Variants in PLCB1 observed in about 807,000 individuals in gnomAD.
PLCB1 encodes 1-phosphatidylinositol 4,5-bisphosphate phosphodiesterase beta-1.
Under a neutral mutation model 161.8 loss-of-function variants are expected in PLCB1, and 46 were observed. That is an observed-to-expected ratio of 0.28 (90% CI 0.22 to 0.36). The LOEUF (loss-of-function observed/expected upper bound fraction) is 0.36. Among genes scored for constraint, PLCB1 ranks in the 10% least tolerant of loss-of-function variants. PLCB1 has a pLI of 1.00. For synonymous variants in PLCB1, 517 were observed against 503.7 expected, an observed-to-expected ratio of 1.03 and a Z score of -0.35; for missense variants, 1,016 against 1,472.5, an observed-to-expected ratio of 0.69 and a Z score of 5.07.
intron 2 of PLCB1, among the ~76,000 whole-genome samples, chr20:8,256,291 C>G (rs1432518280): frequency 3.3e-5 from 5 of 152,100 alleles, no homozygotes; most frequent in Admixed American, 1.3e-4. Flanking sequence ...GCTGGCCTAT[C>G]CTGGGTGGTT....
chr20:8,701,559 A>G (rs1464044824), intron 11 of PLCB1, among the ~76,000 whole-genome samples: 1 of 152,176 alleles, frequency 6.6e-6, no homozygotes, highest in African/African-American at 2.4e-5. Context: ...TAAGGCACTT[A>G]TCATATCACC....
chr20:8,724,712 T>C lies in PLCB1; in HGVS notation c.1638T>C (p.Tyr546=). The C allele has an allele frequency of 6.2e-7, 1 of 1,611,778 alleles. No individual in the cohort carries two copies. The highest frequency in any genetic ancestry group is 8.5e-7 in the Non-Finnish European group (1 of 1,178,196). Residue 546 remains tyrosine (Y), a synonymous_variant, in exon 16 of 32, where the codon TAT becomes TAC. Coordinates refer to ENST00000338037, the MANE Select transcript of PLCB1 (RefSeq NM_015192.4). ...AAGAAATGTCTAATCTGGTGAACTATATTCAGCCAGTCAAGTTTGAGTCAT... is the reference window on the plus strand; with the variant it reads ...AAGAAATGTCTAATCTGGTGAACTACATTCAGCCAGTCAAGTTTGAGTCAT... The part of the protein sequence containing the change: ...ATEEMSNLVN[Y]IQPVKFESFE...
intron 3 of PLCB1, among the ~76,000 whole-genome samples, chr20:8,522,204 C>A (rs1235724977): frequency 6.6e-6 from 1 of 152,200 alleles, no homozygotes; most frequent in Non-Finnish European, 1.5e-5. Context: ...AATGTAGGAT[C>A]TGGAGCTCCC....
At chr20:8,567,781 G>C (rs933897423) in intron 3 of PLCB1, among the ~76,000 whole-genome samples, 7 of 152,074 alleles carry the variant, frequency 4.6e-5, no homozygotes, top group African/African-American at 1.7e-4. Flanking sequence ...TTAGTAGGTG[G>C]TATGTTCCTT....
At chr20:8,252,817 T>TC (rs1229203997) in intron 2 of PLCB1, among the ~76,000 whole-genome samples, 2 of 152,058 alleles carry the variant, frequency 1.3e-5, no homozygotes, top group East Asian at 3.9e-4. Context: ...TGCCATGACT[T>TC]CCTGTCATGG....
chr20:8,136,044 G>A (rs775533979), intron 1 of PLCB1, among the ~76,000 whole-genome samples: 24 of 152,134 alleles, frequency 1.6e-4, no homozygotes, highest in Non-Finnish European at 3.4e-4. Flanking sequence ...CACTGATTTG[G>A]CCCTGTTTTC....
intron 3 of PLCB1, among the ~76,000 whole-genome samples, chr20:8,553,729 G>A (rs1985850573): frequency 1.3e-5 from 2 of 152,090 alleles, no homozygotes; most frequent in East Asian, 1.9e-4. Flanking sequence ...AGCTTGTCAC[G>A]CTGGCACATT....
chr20:8,194,910 T>G (rs1339813183), intron 2 of PLCB1, among the ~76,000 whole-genome samples: 3 of 152,032 alleles, frequency 2.0e-5, no homozygotes, highest in Admixed American at 1.3e-4. Flanking sequence ...AAACCAACTT[T>G]GCTCACTGAA....
intron 3 of PLCB1, among the ~76,000 whole-genome samples, chr20:8,612,188 A>G (rs1403401155): frequency 6.6e-6 from 1 of 152,144 alleles, no homozygotes; most frequent in African/African-American, 2.4e-5. Flanking sequence ...TGGTATAGAA[A>G]ATGGCAATAA....
chr20:8,622,009 G>A (rs1894876077), intron 3 of PLCB1, among the ~76,000 whole-genome samples: 1 of 152,180 alleles, frequency 6.6e-6, no homozygotes, highest in South Asian at 2.1e-4. Flanking sequence ...AACAGAGTCA[G>A]CACTTTGGGA....
intron 31 of PLCB1, among the ~76,000 whole-genome samples, chr20:8,833,181 G>A (rs1420231451): frequency 1.3e-5 from 2 of 152,174 alleles, no homozygotes; most frequent in African/African-American, 2.4e-5. Flanking sequence ...CCAGAGACTG[G>A]GTAATTTATA....
chr20:8,377,198 G>T (rs183699270), intron 3 of PLCB1, among the ~76,000 whole-genome samples: 143 of 152,220 alleles, frequency 9.4e-4, no homozygotes, highest in African/African-American at 3.2e-3. Context: ...CTGGGAAGGG[G>T]TCTGCTGCTT....
At chr20:8,832,447 G>T (rs955019051) in intron 31 of PLCB1, among the ~76,000 whole-genome samples, 2 of 152,190 alleles carry the variant, frequency 1.3e-5, no homozygotes, top group African/African-American at 2.4e-5. Flanking sequence ...ACAGTCATGG[G>T]TTATAGAGAC....
At chr20:8,348,306 G>A (rs910383500) in intron 2 of PLCB1, among the ~76,000 whole-genome samples, 3 of 152,176 alleles carry the variant, frequency 2.0e-5, no homozygotes, top group African/African-American at 7.2e-5. Flanking sequence ...ACTTCCTCTA[G>A]ATAGAGGGAC....
rs373429715 is a variant in PLCB1, at chr20:8,191,807, C to A, written c.177+41436C>A. Reference sequence around the variant, plus strand: ...AGGGTCAGTCACTTATTCAATAACTCATTTGCCTATTTTAGTCAATGCTCA... The same window carrying A: ...AGGGTCAGTCACTTATTCAATAACTAATTTGCCTATTTTAGTCAATGCTCA... On this transcript the variant is annotated intron_variant, in intron 2 of 31. Transcript: ENST00000338037. 9.2e-5 allele frequency among the ~76,000 whole-genome samples: 14 copies of A among 152,156 alleles called. No homozygotes were observed. In the East Asian group the frequency reaches 1.2e-3, roughly 13 times the overall value.
At chr20:8,251,193 G>C (rs1981120195) in intron 2 of PLCB1, among the ~76,000 whole-genome samples, 1 of 151,966 alleles carries the variant, frequency 6.6e-6, no homozygotes, top group Non-Finnish European at 1.5e-5. Flanking sequence ...CCTCATTTGT[G>C]AGGGGATGTC....
At chr20:8,621,406 A>G (rs193019459) in intron 3 of PLCB1, among the ~76,000 whole-genome samples, 2 of 152,196 alleles carry the variant, frequency 1.3e-5, no homozygotes, top group Non-Finnish European at 2.9e-5. Flanking sequence ...TACTGACTCA[A>G]TGAGGAGGAA....
intron 3 of PLCB1, among the ~76,000 whole-genome samples, chr20:8,520,557 T>G (rs961414089): frequency 1.3e-5 from 2 of 152,128 alleles, no homozygotes; most frequent in Non-Finnish European, 2.9e-5. Flanking sequence ...TGCACAAATG[T>G]TAAATGTACA....
At position 8,147,411 on chromosome 20, in the gene PLCB1, A is replaced by G. The variant is rs1425262640; in HGVS notation, c.100-2883A>G. On this transcript the variant is annotated intron_variant, in intron 1 of 31. Transcript: ENST00000338037. Reference sequence around the variant, plus strand: ...ACAGTCAAAGGTCCCAAGAGTCGCAACCCATCTGCAGCTCCTTTGTCAATG... The same window carrying G: ...ACAGTCAAAGGTCCCAAGAGTCGCAGCCCATCTGCAGCTCCTTTGTCAATG... 4.6e-5 allele frequency among the ~76,000 whole-genome samples: 7 copies of G among 152,210 alleles called. No individual in the cohort carries two copies. The East Asian group carries it at 1.3e-3, about 29-fold the overall frequency.
Sources: allele counts gnomAD v4.1 joint callset (sites outside exome capture counted in the v4.1 genomes callset), GRCh38; gene constraint gnomAD v4.1.1; transcripts MANE v1.5; gene names NCBI Gene and HGNC (gene_info 2026-07-23, HGNC 2026-07-21).